Variants in SLC12A7 observed in about 807,000 individuals in gnomAD.
The protein encoded by SLC12A7 is K-Cl cotransporter 4.
A neutral mutation model predicts 120.6 loss-of-function variants in SLC12A7; 100 were observed. The ratio of observed to expected loss-of-function variants is 0.83; its 90% CI spans 0.71 to 0.98. The LOEUF (loss-of-function observed/expected upper bound fraction) is 0.98, where lower values mean the gene tolerates loss of function less well. Among genes scored for constraint, SLC12A7 ranks in the 50% least tolerant of loss-of-function variants. The probability of loss-of-function intolerance (pLI) is 0.00; values close to 1 mark genes in which losing one functional copy is unlikely to be tolerated. For synonymous variants in SLC12A7, 760 were observed against 678.0 expected, an observed-to-expected ratio of 1.12 and a Z score of -1.88; for missense variants, 1,373 against 1,548.1, an observed-to-expected ratio of 0.89 and a Z score of 1.90.
the SLC12A7 span, among the ~76,000 whole-genome samples, chr5:1,120,984 G>T: frequency 6.6e-6 from 1 of 152,222 alleles, no homozygotes; most frequent in Admixed American, 6.5e-5. Flanking sequence ...CTCCCTGGGT[G>T]CCAGCTGCAC....
the SLC12A7 span, among the ~76,000 whole-genome samples, chr5:1,121,129 C>T: frequency 5.9e-5 from 9 of 152,236 alleles, no homozygotes; most frequent in Non-Finnish European, 1.5e-5. Context: ...TGCACGTCCC[C>T]GCATCCCTCA....
upstream of SLC12A7, among the ~76,000 whole-genome samples, chr5:1,116,596 G>C (rs1290738767): frequency 6.6e-6 from 1 of 152,148 alleles, no homozygotes; most frequent in Non-Finnish European, 1.5e-5. Flanking sequence ...CCCTCTGGAA[G>C]ATTCCGTGGA....
chr5:1,117,931 C>T, the SLC12A7 span, among the ~76,000 whole-genome samples: 1 of 152,138 alleles, frequency 6.6e-6, no homozygotes, highest in Non-Finnish European at 1.5e-5. This position sits in a 1 kb window ranked among gnomAD's most constrained non-coding sequence, Gnocchi z 4.5. Context: ...AAAACATTAG[C>T]CGGTCATGGT....
chr5:1,058,131 G>T (rs1380380353), intron 21 of SLC12A7, among the ~76,000 whole-genome samples: 1 of 152,218 alleles, frequency 6.6e-6, no homozygotes. Flanking sequence ...GGCCGGCCAG[G>T]CTGGCAGGGG....
chr5:1,063,146 C>T (rs772099064), intron 20 of SLC12A7, among the ~76,000 whole-genome samples: 38 of 152,198 alleles, frequency 2.5e-4, no homozygotes, highest in Non-Finnish European at 5.1e-4. Flanking sequence ...CCATCAACCC[C>T]GTCCTCTCCA....
upstream of SLC12A7, among the ~76,000 whole-genome samples, chr5:1,112,477 ACCCCCTCCTGCTGGGCC>A (rs376107432): frequency 0.02 from 532 of 26,792 alleles, 20 homozygotes; most frequent in African/African-American, 0.069. Context: ...CCCTTCCTGC[ACCCCCTCCTGCTGGGCC>A]CCCCTGCCCC....
At chr5:1,077,268 C>G (rs991417003) in intron 12 of SLC12A7, among the ~76,000 whole-genome samples, 1 of 152,196 alleles carries the variant, frequency 6.6e-6, no homozygotes, top group Non-Finnish European at 1.5e-5. Flanking sequence ...AAAGGCCCTG[C>G]GGGTCGGCAC....
chr5:1,132,403 C>T, the SLC12A7 span, among the ~76,000 whole-genome samples: 1 of 152,092 alleles, frequency 6.6e-6, no homozygotes, highest in African/African-American at 2.4e-5. Flanking sequence ...AGCCATTCTT[C>T]ATCCCTTCAC....
At chr5:1,075,762 G>A (rs991707056) in intron 14 of SLC12A7, 4 of 519,316 alleles carry the variant, frequency 7.7e-6, no homozygotes, top group Admixed American at 6.9e-5. Flanking sequence ...TGCAACAAGG[G>A]GCTGAAGCGT....
At chr5:1,132,491 T>A in the SLC12A7 span, among the ~76,000 whole-genome samples, 52 of 152,268 alleles carry the variant, frequency 3.4e-4, no homozygotes, top group African/African-American at 1.1e-3. Flanking sequence ...CCAAGAACCT[T>A]CTCTTGGGGG....
intron 2 of SLC12A7, 35 bp downstream of exon 2, chr5:1,094,119 C>T: frequency 6.4e-7 from 1 of 1,558,794 alleles, no homozygotes. Context: ...AAAGCAACGG[C>T]CCTGGCACCT....
chr5:1,107,328 C>A (rs1196541680), intron 1 of SLC12A7, among the ~76,000 whole-genome samples: 1 of 152,226 alleles, frequency 6.6e-6, no homozygotes, highest in Non-Finnish European at 1.5e-5. Flanking sequence ...CAAAGGCCAC[C>A]CATCCCCCAT....
At chr5:1,053,540 G>A (rs915475383) in intron 22 of SLC12A7, 58 bp from the exon 23 acceptor site, 26 of 1,589,620 alleles carry the variant, frequency 1.6e-5, no homozygotes, top group Admixed American at 1.0e-4. Flanking sequence ...CTCCGGACAC[G>A]AGGCTGAGCT....
chr5:1,137,604 G>A, the SLC12A7 span, among the ~76,000 whole-genome samples: 2 of 152,178 alleles, frequency 1.3e-5, no homozygotes, highest in Non-Finnish European at 2.9e-5. Context: ...CCCTCCGGGT[G>A]GTCCCCACTC....
At chr5:1,122,931 G>A in the SLC12A7 span, among the ~76,000 whole-genome samples, 15 of 152,392 alleles carry the variant, frequency 9.8e-5, no homozygotes, top group Non-Finnish European at 1.9e-4. Flanking sequence ...CCCCACGTGC[G>A]CACGCACAAG....
chr5:1,067,469 A>AC (rs1433340643), intron 17 of SLC12A7, among the ~76,000 whole-genome samples: 2 of 152,214 alleles, frequency 1.3e-5, no homozygotes, highest in East Asian at 3.9e-4. Context: ...TCCCCACGAG[A>AC]CCCCTCTGCA....
At chr5:1,112,804 G>T (rs1743141755), upstream of SLC12A7, among the ~76,000 whole-genome samples, 2 of 149,716 alleles carry the variant, frequency 1.3e-5, no homozygotes. Flanking sequence ...GCCTTGGATA[G>T]CCTGGGGGTG....
the SLC12A7 span, among the ~76,000 whole-genome samples, chr5:1,120,481 C>T: frequency 0.034 from 5,238 of 152,352 alleles, 289 homozygotes; most frequent in East Asian, 0.18. Flanking sequence ...CCACGGTGTG[C>T]TGGCCAGATG....
chr5:1,090,730 C>T (rs753062118), intron 3 of SLC12A7, among the ~76,000 whole-genome samples: 86 of 152,212 alleles, frequency 5.7e-4, no homozygotes, highest in Non-Finnish European at 1.0e-3. Flanking sequence ...CCCGCAGCCC[C>T]GTGACAGGCG....
Sources: allele counts gnomAD v4.1 joint callset (sites outside exome capture counted in the v4.1 genomes callset), GRCh38; gene constraint gnomAD v4.1.1; non-coding constraint Gnocchi (gnomAD v3.1); transcripts MANE v1.5; gene names NCBI Gene and HGNC (gene_info 2026-07-23, HGNC 2026-07-21).